Variants in PCDHA7 observed in about 807,000 individuals in gnomAD.
PCDHA7 encodes the protein protocadherin alpha 7, also known as protocadherin alpha-7.
PCDHA7 carries 37 observed loss-of-function variants against 57.2 expected under a neutral mutation model. That is an observed-to-expected ratio of 0.65 (90% CI 0.50 to 0.85). PCDHA7 has a LOEUF of 0.85. PCDHA7 is among the 40% of genes least tolerant of loss of function. The pLI is 0.00. For synonymous variants in PCDHA7, 553 were observed against 558.8 expected, an observed-to-expected ratio of 0.99 and a Z score of 0.15; for missense variants, 1,188 against 1,241.8, an observed-to-expected ratio of 0.96 and a Z score of 0.65.
intron 1 of PCDHA7, chr5:140,868,473 C>T (rs1740794532): frequency 6.6e-6 from 1 of 152,126 alleles, no homozygotes; most frequent in Non-Finnish European, 1.5e-5. Flanking sequence ...TTTTATAAAA[C>T]TTCAATTTTT....
intron 1 of PCDHA7, among the ~76,000 whole-genome samples, chr5:140,941,615 C>T (rs2093129027): frequency 6.6e-6 from 1 of 151,970 alleles, no homozygotes; most frequent in African/African-American, 2.4e-5. Context: ...GTGCCCAGCC[C>T]ATCCTGCTTC....
intron 1 of PCDHA7, among the ~76,000 whole-genome samples, chr5:140,974,549 T>C (rs373257165): frequency 6.6e-6 from 1 of 152,216 alleles, no homozygotes; most frequent in African/African-American, 2.4e-5. Context: ...TTTGCTCTTG[T>C]TGCCCAGGCT....
chr5:140,929,071 T>C, intron 1 of PCDHA7: 1 of 1,614,122 alleles, frequency 6.2e-7, no homozygotes, highest in South Asian at 1.1e-5. Flanking sequence ...GGATCTGAGG[T>C]ATGGAAGTAA....
Position 140,834,530 on chromosome 5 carries a change from G to A in PCDHA7, c.147G>A (p.Ala49=). The A allele has an allele frequency of 6.2e-7, 1 of 1,614,068 alleles. No homozygotes were observed. Among genetic ancestry groups the A allele is most frequent in the Non-Finnish European group, 8.5e-7 (1 of 1,180,038 alleles). Reference sequence around the variant, plus strand: ...ATGGCAACTTCGTGGGCCGCATCGCGCAGGACCTGGGGCTGGAGCTGGCGG... The same window carrying A: ...ATGGCAACTTCGTGGGCCGCATCGCACAGGACCTGGGGCTGGAGCTGGCGG... ...AKHGNFVGRI[A]QDLGLELAEL... is the part of the protein sequence containing the mutation. Residue 49 remains alanine, a synonymous_variant, in exon 1 of 4, where the codon GCG becomes GCA. Transcript: ENST00000525929.
chr5:140,983,059 C>G (rs1325414567), intron 3 of PCDHA7, among the ~76,000 whole-genome samples: 1 of 151,980 alleles, frequency 6.6e-6, no homozygotes, highest in African/African-American at 2.4e-5. Flanking sequence ...TTATCGGAAC[C>G]AAGGCATTGT....
At chr5:140,911,759 T>A (rs2075630155) in intron 1 of PCDHA7, among the ~76,000 whole-genome samples, 3 of 152,026 alleles carry the variant, frequency 2.0e-5, no homozygotes, top group South Asian at 2.1e-4. Context: ...TTCTCCATAC[T>A]ATTAGAAGTA....
chr5:140,845,305 G>A lies in PCDHA7; in HGVS notation c.2355+8567G>A, dbSNP rs2150378227. Among the ~76,000 whole-genome samples the A allele has an allele frequency of 3.4e-4, 51 of 149,092 alleles. 5 individuals carry two copies. The highest frequency in any genetic ancestry group is 6.7e-4 in the Non-Finnish European group (45 of 66,692). On this transcript the variant is annotated intron_variant, in intron 1 of 3. Transcript: ENST00000525929. ...TTCCTATCCTGTCTATGTCTACCTG[G>A]TTCTCAGGTATTACTTTAATTACTG...
intron 1 of PCDHA7, among the ~76,000 whole-genome samples, chr5:140,976,765 C>T (rs1483381591): frequency 6.6e-6 from 1 of 152,172 alleles, no homozygotes; most frequent in Non-Finnish European, 1.5e-5. Context: ...CAGAAGCCTG[C>T]TAGACTCTGA....
intron 1 of PCDHA7, among the ~76,000 whole-genome samples, chr5:140,844,211 T>G (rs1162021656): frequency 2.0e-5 from 3 of 149,836 alleles, no homozygotes; most frequent in Admixed American, 6.7e-5. Context: ...TGTCTGGTAG[T>G]CACAAATATC....
chr5:140,868,170 A>G (rs926308746), intron 1 of PCDHA7: 1 of 152,132 alleles, frequency 6.6e-6, no homozygotes, highest in Non-Finnish European at 1.5e-5. Flanking sequence ...CTAAATTTTG[A>G]TATCTCATAT....
intron 1 of PCDHA7, chr5:140,866,298 G>A (rs2049270991): frequency 6.6e-6 from 1 of 152,134 alleles, no homozygotes; most frequent in African/African-American, 2.4e-5. Flanking sequence ...AAGTATAGAT[G>A]TTGATATTAT....
intron 1 of PCDHA7, chr5:140,870,468 A>G: frequency 1.2e-6 from 2 of 1,614,214 alleles, no homozygotes; most frequent in Non-Finnish European, 8.5e-7. Flanking sequence ...CTGCGTTCGC[A>G]CAGCCCGAGT....
chr5:140,935,286 C>T (rs1283279527), intron 1 of PCDHA7, among the ~76,000 whole-genome samples: 1 of 152,150 alleles, frequency 6.6e-6, no homozygotes, highest in Non-Finnish European at 1.5e-5. Context: ...TAAAGTTCAG[C>T]ACTCCGAGGT....
rs570244920 is a variant in PCDHA7, at chr5:140,897,293, A to G, written c.2355+60555A>G. Reference sequence around the variant, plus strand: ...GGTGTGCTGCACCCATTAACTCGTCATTTAGCATTAGGTATATCTCCTAAA... The same window carrying G: ...GGTGTGCTGCACCCATTAACTCGTCGTTTAGCATTAGGTATATCTCCTAAA... On this transcript the variant is annotated intron_variant, in intron 1 of 3. Transcript: ENST00000525929. Among the ~76,000 whole-genome samples the G allele has an allele frequency of 1.2e-4, 18 of 149,820 alleles. No homozygotes were observed. In the South Asian group the frequency reaches 3.5e-3, roughly 29 times the overall value.
At chr5:140,857,718 A>G in intron 1 of PCDHA7, 1 of 1,597,160 alleles carries the variant, frequency 6.3e-7, no homozygotes, top group Non-Finnish European at 8.6e-7. Context: ...GTGCTGGACG[A>G]GAACGACAAC....
At chr5:140,896,946 T>A (rs2065814718) in intron 1 of PCDHA7, among the ~76,000 whole-genome samples, 1 of 152,134 alleles carries the variant, frequency 6.6e-6, no homozygotes, top group Non-Finnish European at 1.5e-5. Context: ...GGAATGGCCA[T>A]TCCCTTAAAC....
chr5:140,869,779 G>A (rs1554163444), intron 1 of PCDHA7: 4 of 1,612,766 alleles, frequency 2.5e-6, no homozygotes, highest in Non-Finnish European at 3.4e-6. Flanking sequence ...TACTGGCACC[G>A]TTCGGCTGTT....
At chr5:140,936,762 G>A (rs190223178) in intron 1 of PCDHA7, among the ~76,000 whole-genome samples, 224 of 152,210 alleles carry the variant, frequency 1.5e-3, no homozygotes, top group Non-Finnish European at 2.6e-3. Context: ...ATATCTAATT[G>A]TGTAAGTTCT....
chr5:140,851,338 A>T (rs554817085), intron 1 of PCDHA7: 3 of 978,674 alleles, frequency 3.1e-6, no homozygotes, highest in East Asian at 9.3e-5. Flanking sequence ...AGTTCTCTAC[A>T]TTTCTCTGGA....
Sources: gnomAD v4.1 joint callset for allele counts (sites outside exome capture counted in the v4.1 genomes callset) on GRCh38, gnomAD v4.1.1 for gene constraint, MANE v1.5 for transcripts, NCBI Gene and HGNC (gene_info 2026-07-23, HGNC 2026-07-21) for gene names.